NAA16: variants seen among roughly 807,000 people sequenced by gnomAD.
NAA16 encodes NARG1-like protein.
Under a neutral mutation model 110.3 loss-of-function variants are expected in NAA16, and 97 were observed. The ratio of observed to expected loss-of-function variants is 0.88; its 90% CI spans 0.75 to 1.04. NAA16 has a LOEUF of 1.04. Among genes scored for constraint, NAA16 ranks in the 50% least tolerant of loss-of-function variants. The pLI is 0.00. For missense variants in NAA16, 1,017 were observed against 1,005.1 expected (o/e 1.01, Z -0.16); for synonymous variants, 372 against 330.6 (o/e 1.13, Z -1.36).
At chr13:41,338,266 A>T (rs2042436572) in intron 9 of NAA16, among the ~76,000 whole-genome samples, 2 of 152,220 alleles carry the variant, frequency 1.3e-5, no homozygotes, top group African/African-American at 4.8e-5. Context: ...TACAGTGGAC[A>T]TTAAAGGATT....
At chr13:41,345,794 A>G (rs898895309) in intron 9 of NAA16, among the ~76,000 whole-genome samples, 3 of 152,152 alleles carry the variant, frequency 2.0e-5, no homozygotes, top group Non-Finnish European at 4.4e-5. Context: ...GGCTGGTCTT[A>G]AATTCCTGGA....
chr13:41,345,590 T>G (rs905723415), intron 9 of NAA16, among the ~76,000 whole-genome samples: 1 of 152,150 alleles, frequency 6.6e-6, no homozygotes, highest in African/African-American at 2.4e-5. Context: ...TTTTCGTTGT[T>G]TGTGTTTTTG....
At chr13:41,353,150 C>G (rs1393339035) in intron 9 of NAA16, among the ~76,000 whole-genome samples, 1 of 111,028 alleles carries the variant, frequency 9.0e-6, no homozygotes, top group Non-Finnish European at 1.9e-5. Flanking sequence ...ATAGGTTTCA[C>G]CCTAGAGATG....
chr13:41,340,536 T>G (rs1241322419), intron 9 of NAA16, among the ~76,000 whole-genome samples: 1 of 152,108 alleles, frequency 6.6e-6, no homozygotes, highest in Non-Finnish European at 1.5e-5. Flanking sequence ...TTGTCTTTGT[T>G]CTCGTTGGTT....
intron 16 of NAA16, chr13:41,372,513 AC>A (rs763496649): frequency 3.0e-6 from 3 of 985,378 alleles, no homozygotes; most frequent in Non-Finnish European, 3.6e-6. Flanking sequence ...AGTTTGAACA[AC>A]CATACAAATT....
intron 8 of NAA16, among the ~76,000 whole-genome samples, chr13:41,334,497 A>G (rs1469143481): frequency 6.6e-6 from 1 of 152,228 alleles, no homozygotes; most frequent in Non-Finnish European, 1.5e-5. Flanking sequence ...TGCTGTTTAC[A>G]CTGATTATTT....
In NAA16 at chr13:41,363,159, GA is replaced by G. The variant is rs1454582089; in HGVS notation, c.1539+1003del. On this transcript the variant is annotated intron_variant, in intron 13 of 19. Transcript: ENST00000379406. ...ATATAAAGCCCTTGGGATGATAGGT[GA>G]AATACCCAAGCATTCTAGTTTAAAT... 2.6e-5 allele frequency among the ~76,000 whole-genome samples: 4 copies of G among 152,070 alleles called. No homozygotes were observed. In the East Asian group the frequency reaches 7.8e-4, roughly 30 times the overall value.
At chr13:41,320,262 A>G (rs1057045067) in intron 3 of NAA16, among the ~76,000 whole-genome samples, 1 of 152,232 alleles carries the variant, frequency 6.6e-6, no homozygotes, top group Non-Finnish European at 1.5e-5. Flanking sequence ...TTTTGTATAT[A>G]TTCTGTTTCA....
intron 18 of NAA16, 115 bp from the exon 19 acceptor site, chr13:41,374,627 C>T: frequency 3.0e-6 from 2 of 656,484 alleles, no homozygotes; most frequent in South Asian, 4.2e-5. Flanking sequence ...GGAGCCAGCT[C>T]CAGCTTACCA....
At chr13:41,364,366 T>A (rs1240989411) in intron 13 of NAA16, among the ~76,000 whole-genome samples, 1 of 152,170 alleles carries the variant, frequency 6.6e-6, no homozygotes, top group African/African-American at 2.4e-5. Flanking sequence ...AATTCTAGAA[T>A]AAGCTAGTGT....
At position 41,372,198 on chromosome 13, in the gene NAA16, AATAGG is replaced by A. The variant is rs1302927369; in HGVS notation, c.1948-4_1948del. On this transcript the variant is annotated splice_acceptor_variant and splice_polypyrimidine_tract_variant and coding_sequence_variant and intron_variant, in exon 16 of 20. Coordinates refer to ENST00000379406, the MANE Select transcript of NAA16 (RefSeq NM_024561.5). LOFTEE classifies it high-confidence loss of function. ...TAAATAATTTTCCTTTCTGTTTCAA[AATAGG>A]TAGAAAATCCATTAGAGGAAGCCGT... is the stretch of plus-strand genomic sequence containing the variant. The A allele has an allele frequency of 6.6e-7, 1 of 1,523,420 alleles. No individual in the cohort carries two copies. Among genetic ancestry groups the A allele is most frequent in the Non-Finnish European group, 8.8e-7 (1 of 1,134,886 alleles). 94.4% of individuals were successfully genotyped at this position (1,523,420 alleles called of 1,614,324 possible). A position where few individuals can be genotyped will look rare whatever the true frequency, so the allele number is the denominator to read the frequency against.
intron 14 of NAA16, among the ~76,000 whole-genome samples, chr13:41,368,620 C>T (rs147522397): frequency 1.3e-5 from 2 of 152,290 alleles, no homozygotes; most frequent in Non-Finnish European, 2.9e-5. Flanking sequence ...ACAGCTGGCC[C>T]TCCATTTTTG....
chr13:41,357,944 G>A (rs1480838129), intron 10 of NAA16, among the ~76,000 whole-genome samples: 1 of 152,148 alleles, frequency 6.6e-6, no homozygotes, highest in Non-Finnish European at 1.5e-5. Context: ...ATCTTGCAGT[G>A]GTAGTTAGGA....
chr13:41,332,091 G>A (rs1308309666), intron 8 of NAA16, among the ~76,000 whole-genome samples: 1 of 152,078 alleles, frequency 6.6e-6, no homozygotes, highest in African/African-American at 2.4e-5. Flanking sequence ...ACAAGATCTT[G>A]CTCTGTTACC....
chr13:41,362,224 C>T, intron 13 of NAA16, 65 bp downstream of exon 13: 1 of 1,505,788 alleles, frequency 6.6e-7, no homozygotes, highest in Non-Finnish European at 8.9e-7. Flanking sequence ...TAGATTTCTA[C>T]ACAGGATCAT....
At chr13:41,311,757 C>T (rs1049640586) in intron 1 of NAA16, among the ~76,000 whole-genome samples, 175 bp downstream of exon 1, 1 of 152,216 alleles carries the variant, frequency 6.6e-6, no homozygotes, top group Non-Finnish European at 1.5e-5. Context: ...CCCACGGGGG[C>T]TGCCGAGCCG....
rs2042226051 is a variant in NAA16, at chr13:41,331,130, A to G, written c.812-144A>G. 14 of 531,338 alleles carry G rather than the reference A, an allele frequency of 2.6e-5. No individual in the cohort carries two copies. In the South Asian group the frequency reaches 4.3e-4, roughly 16 times the overall value. The allele number at this position is 531,338 out of a possible 1,614,324, so 32.9% of individuals were successfully genotyped here. Reference sequence around the variant, plus strand: ...TAGTATTTTGCCACCACAGAGTTTTAAATGTCATTTTTACCAAAATTGAAA... The same window carrying G: ...TAGTATTTTGCCACCACAGAGTTTTGAATGTCATTTTTACCAAAATTGAAA... On this transcript the variant is annotated intron_variant, in intron 7 of 19. Transcript: ENST00000379406.
At chr13:41,354,516 A>C (rs1418757830) in intron 9 of NAA16, 1 of 152,212 alleles carries the variant, frequency 6.6e-6, no homozygotes, top group Non-Finnish European at 1.5e-5. Flanking sequence ...TAAAGATGTC[A>C]AAGCCCCAGT....
intron 10 of NAA16, 64 bp from the exon 11 acceptor site, chr13:41,358,240 G>A: frequency 7.4e-7 from 1 of 1,360,266 alleles, no homozygotes; most frequent in Non-Finnish European, 1.0e-6. Context: ...TGAATTAGGA[G>A]AGAGAAAATA....
Sources: gnomAD v4.1 joint callset for allele counts (sites outside exome capture counted in the v4.1 genomes callset) on GRCh38, gnomAD v4.1.1 for gene constraint, MANE v1.5 for transcripts, NCBI Gene and HGNC (gene_info 2026-07-23, HGNC 2026-07-21) for gene names.